VEPH1: variants seen among roughly 807,000 people sequenced by gnomAD.
The protein encoded by VEPH1 is ventricular zone expressed PH domain containing 1.
In VEPH1, 80 loss-of-function variants were observed where a neutral mutation model predicts 85.2. That is an observed-to-expected ratio of 0.94 (90% CI 0.78 to 1.13). The LOEUF (loss-of-function observed/expected upper bound fraction) is 1.13. Among genes scored for constraint, VEPH1 ranks in the 50% most tolerant of loss-of-function variants. The pLI is 0.00. For missense variants in VEPH1, 955 were observed against 980.5 expected, an observed-to-expected ratio of 0.97 and a Z score of 0.35; for synonymous variants, 297 against 348.0, an observed-to-expected ratio of 0.85 and a Z score of 1.63.
In VEPH1 at chr3:157,357,773, T is replaced by C. The variant is rs372514040; in HGVS notation, c.1735+5591A>G. On this transcript the variant is annotated intron_variant, in intron 9 of 13. Transcript: ENST00000362010. ...CTCCCAAAGTGTTGGGATTATGTAA[T>C]AGGCATGAGCCACTGCATCCGGCCA... is the stretch of plus-strand genomic sequence containing the variant. 5.4e-3 allele frequency among the ~76,000 whole-genome samples: 822 copies of C among 152,306 alleles called. 5 individuals are homozygous for C. Among genetic ancestry groups the C allele is most frequent in the African/African-American group, 0.019 (774 of 41,564 alleles).
chr3:157,287,383 T>A (rs1716914388), intron 11 of VEPH1, among the ~76,000 whole-genome samples: 1 of 150,594 alleles, frequency 6.6e-6, no homozygotes, highest in African/African-American at 2.4e-5. Context: ...TCAAAAAATA[T>A]ATATATATAT....
chr3:157,488,507 C>T (rs2316336), intron 2 of VEPH1, among the ~76,000 whole-genome samples: 77,518 of 130,788 alleles, frequency 0.59, 23,199 homozygotes, highest in East Asian at 0.66. Context: ...TTCTTTCTTT[C>T]TTTTTTTTTT....
At chr3:157,264,003 T>C (rs1262721145) in intron 13 of VEPH1, among the ~76,000 whole-genome samples, 2 of 152,232 alleles carry the variant, frequency 1.3e-5, no homozygotes, top group Non-Finnish European at 2.9e-5. Context: ...TATTTCCGCA[T>C]GTGTCTGTGA....
intron 9 of VEPH1, among the ~76,000 whole-genome samples, chr3:157,350,493 G>A (rs969083158): frequency 1.3e-5 from 2 of 152,004 alleles, no homozygotes; most frequent in African/African-American, 4.8e-5. Flanking sequence ...TAAAGCACAG[G>A]CAACAAAAGC....
intron 4 of VEPH1, chr3:157,459,824 C>A: frequency 6.7e-7 from 1 of 1,498,442 alleles, no homozygotes; most frequent in Non-Finnish European, 8.9e-7. Context: ...ACAGGTTTTT[C>A]ATACCCCACT....
intron 4 of VEPH1, among the ~76,000 whole-genome samples, chr3:157,444,280 C>T (rs193247746): frequency 6.6e-6 from 1 of 152,252 alleles, no homozygotes; most frequent in East Asian, 1.9e-4. Flanking sequence ...AGAATAGGAC[C>T]AGGAGTAATT....
intron 6 of VEPH1, among the ~76,000 whole-genome samples, chr3:157,389,663 A>C (rs1729662653): frequency 6.6e-6 from 1 of 151,748 alleles, no homozygotes; most frequent in Non-Finnish European, 1.5e-5. Flanking sequence ...AGATAGATAG[A>C]TAGATAGATA....
intron 2 of VEPH1, among the ~76,000 whole-genome samples, chr3:157,481,944 T>G (rs1272162596): frequency 6.6e-6 from 1 of 151,478 alleles, no homozygotes; most frequent in Non-Finnish European, 1.5e-5. Flanking sequence ...GTCAAAACAT[T>G]GCTTAGTTTT....
intron 9 of VEPH1, among the ~76,000 whole-genome samples, chr3:157,337,016 T>A (rs1380406433): frequency 6.6e-6 from 1 of 152,148 alleles, no homozygotes; most frequent in Admixed American, 6.5e-5. Context: ...TATAAACATT[T>A]TTCTGTATTT....
At chr3:157,484,460 CTTGCTG>C (rs1202238674) in intron 2 of VEPH1, among the ~76,000 whole-genome samples, 5 of 152,064 alleles carry the variant, frequency 3.3e-5, no homozygotes, top group African/African-American at 1.2e-4. Context: ...TGCCACTGCA[CTTGCTG>C]AAGATACTTT....
At chr3:157,426,070 C>T (rs187216874) in intron 5 of VEPH1, among the ~76,000 whole-genome samples, 16 of 152,252 alleles carry the variant, frequency 1.1e-4, no homozygotes, top group Admixed American at 2.0e-4. Context: ...TTTTGCCTCC[C>T]GCCATGATTC....
At chr3:157,378,246 C>T (rs2108848175) in intron 7 of VEPH1, among the ~76,000 whole-genome samples, 1 of 147,050 alleles carries the variant, frequency 6.8e-6, no homozygotes, top group South Asian at 2.2e-4. Context: ...CTGGATGCTG[C>T]CATGTGTTCA....
intron 6 of VEPH1, among the ~76,000 whole-genome samples, chr3:157,408,432 ATCAAAGTTCAAG>A (rs1731296559): frequency 2.6e-5 from 4 of 152,260 alleles, no homozygotes; most frequent in Non-Finnish European, 5.9e-5. Flanking sequence ...ACTTGATGGA[ATCAAAGTTCAAG>A]TGAGAAATCA....
At chr3:157,316,653 A>G (rs955051380) in intron 10 of VEPH1, among the ~76,000 whole-genome samples, 4 of 151,970 alleles carry the variant, frequency 2.6e-5, no homozygotes, top group Admixed American at 6.6e-5. Flanking sequence ...TAGAAAAAAG[A>G]GACATTCCAG....
intron 2 of VEPH1, among the ~76,000 whole-genome samples, chr3:157,479,849 A>G (rs1461247616): frequency 6.6e-6 from 1 of 152,216 alleles, no homozygotes; most frequent in African/African-American, 2.4e-5. Context: ...AAGGATTTAC[A>G]ACAGTGTCTG....
intron 9 of VEPH1, among the ~76,000 whole-genome samples, chr3:157,330,178 A>G (rs2108596676): frequency 6.6e-6 from 1 of 152,334 alleles, no homozygotes; most frequent in Non-Finnish European, 1.5e-5. Flanking sequence ...CCTATTCTTT[A>G]CATCATAACA....
intron 9 of VEPH1, among the ~76,000 whole-genome samples, chr3:157,331,190 C>A (rs1488309789): frequency 3.9e-5 from 6 of 152,200 alleles, no homozygotes; most frequent in Non-Finnish European, 8.8e-5. Context: ...GCCACACAGG[C>A]TTTCCACCAC....
chr3:157,385,604 CTTG>C (rs1464245884), intron 6 of VEPH1, among the ~76,000 whole-genome samples: 1 of 152,066 alleles, frequency 6.6e-6, no homozygotes, highest in African/African-American at 2.4e-5. Context: ...TCTTTAGTAA[CTTG>C]TTAATAGATG....
At chr3:157,396,486 T>G (rs963132076) in intron 6 of VEPH1, among the ~76,000 whole-genome samples, 7 of 152,232 alleles carry the variant, frequency 4.6e-5, no homozygotes, top group Admixed American at 2.0e-4. Flanking sequence ...AAATAGTATT[T>G]CTGCCTCCTA....
Sources: gnomAD v4.1 joint callset for allele counts (sites outside exome capture counted in the v4.1 genomes callset) on GRCh38, gnomAD v4.1.1 for gene constraint, MANE v1.5 for transcripts, NCBI Gene and HGNC (gene_info 2026-07-23, HGNC 2026-07-21) for gene names.